The following TMEM67 variants were observed in gnomAD, a reference collection of about 807,000 sequenced individuals.
TMEM67 encodes meckelin.
Under a neutral mutation model 136.6 loss-of-function variants are expected in TMEM67, and 124 were observed. The observed-to-expected ratio is 0.91, with a 90% CI of 0.78 to 1.05. The LOEUF is 1.05. TMEM67 is among the 50% of genes least tolerant of loss of function. TMEM67 has a pLI of 0.00. For synonymous variants in TMEM67, 364 were observed against 390.5 expected (o/e 0.93, Z 0.80); for missense variants, 1,107 against 1,178.4 (o/e 0.94, Z 0.89).
At chr8:93,780,448 C>T (rs1471679668) in intron 7 of TMEM67, 145 bp from the exon 8 acceptor site, 10 of 830,014 alleles carry the variant, frequency 1.2e-5, no homozygotes, top group African/African-American at 3.3e-5. Flanking sequence ...CTGCCTTCTG[C>T]GTTGATTATG....
chr8:93,787,426 T>A (rs988773194), intron 13 of TMEM67, among the ~76,000 whole-genome samples: 2 of 152,200 alleles, frequency 1.3e-5, no homozygotes, highest in Admixed American at 6.5e-5. Context: ...ATTATTTTGT[T>A]AAGAATTCAT....
intron 2 of TMEM67, chr8:93,756,601 T>G (rs1055744156): frequency 6.6e-5 from 10 of 152,190 alleles, no homozygotes; most frequent in Non-Finnish European, 2.9e-5. Flanking sequence ...TGATTACCAC[T>G]TTTTATATTA....
intron 7 of TMEM67, among the ~76,000 whole-genome samples, chr8:93,776,017 C>T (rs1191527648): frequency 6.6e-6 from 1 of 152,152 alleles, no homozygotes; most frequent in Non-Finnish European, 1.5e-5. Context: ...TTTGTGTCCT[C>T]CTTTATTTCA....
At chr8:93,797,556 C>G in intron 20 of TMEM67, 86 bp downstream of exon 20, 1 of 1,300,472 alleles carries the variant, frequency 7.7e-7, no homozygotes, top group Middle Eastern at 2.6e-4. Context: ...GTTTTCATGA[C>G]AGTGGAAGAT....
chr8:93,808,871 C>G lies in TMEM67; in HGVS notation c.2471C>G (p.Pro824Arg). The G allele has an allele frequency of 6.2e-7, 1 of 1,611,970 alleles. No homozygotes were observed. The highest frequency in any genetic ancestry group is 1.7e-4 in the Middle Eastern group (1 of 6,054). ...ENLCSQRGLVPNTDGQTFEIA... is the reference protein window; with the variant it reads ...ENLCSQRGLVRNTDGQTFEIA... Reference sequence around the variant, plus strand: ...TTGTGTAGCCAGAGAGGTTTGGTACCCAACACAGATGGTCAGACTTTTGAG... The same window carrying G: ...TTGTGTAGCCAGAGAGGTTTGGTACGCAACACAGATGGTCAGACTTTTGAG... Residue 824 changes from proline to arginine, a missense_variant, in exon 24 of 28, where the codon CCC (proline) becomes CGC (arginine). Coordinates refer to ENST00000453321, the MANE Select transcript of TMEM67 (RefSeq NM_153704.6).
chr8:93,778,849 A>G (rs893507070), intron 7 of TMEM67, among the ~76,000 whole-genome samples: 2 of 152,014 alleles, frequency 1.3e-5, no homozygotes, highest in Non-Finnish European at 2.9e-5. Flanking sequence ...TCCTCTTCTC[A>G]AGGAGTATCT....
chr8:93,760,331 A>G (rs1812772674), intron 3 of TMEM67, among the ~76,000 whole-genome samples: 1 of 152,236 alleles, frequency 6.6e-6, no homozygotes, highest in Non-Finnish European at 1.5e-5. Flanking sequence ...AACTTAAAAC[A>G]GGCAATCAGA....
downstream of TMEM67, among the ~76,000 whole-genome samples, chr8:93,820,610 A>C (rs1246089287): frequency 6.6e-6 from 1 of 152,176 alleles, no homozygotes; most frequent in Non-Finnish European, 1.5e-5. Flanking sequence ...GTCATGATTA[A>C]ATTGTCTCAT....
At chr8:93,828,555 C>T in the TMEM67 span, among the ~76,000 whole-genome samples, 2 of 152,108 alleles carry the variant, frequency 1.3e-5, no homozygotes, top group Non-Finnish European at 2.9e-5. Flanking sequence ...GGCTGACCAA[C>T]ATGGCAAAAC....
downstream of TMEM67, among the ~76,000 whole-genome samples, chr8:93,823,857 A>G (rs1479099154): frequency 6.8e-6 from 1 of 148,002 alleles, no homozygotes. Flanking sequence ...TTTTTTAGCT[A>G]GCTGAATGTC....
intron 16 of TMEM67, 101 bp downstream of exon 16, chr8:93,793,397 A>G: frequency 3.0e-6 from 3 of 994,318 alleles, no homozygotes; most frequent in Non-Finnish European, 4.7e-6. Context: ...GTTGCATTGA[A>G]TTTTTCTGGG....
rs1234740376 is a variant in TMEM67 at position 93,787,871 on chromosome 8, T to A, written c.1440T>A (p.Asn480Lys). 6.2e-7 allele frequency: 1 copy of A among 1,613,968 alleles called. No homozygotes were observed. Among genetic ancestry groups the A allele is most frequent in the East Asian group, 2.2e-5 (1 of 44,846 alleles). ...TCCACCTTGTACCCAACACAATAAA[T>A]GGAAACATCTACCCTCCCTTAATCA... is the stretch of plus-strand genomic sequence containing the variant. ...LSVHLVPNTI[N>K]GNIYPPLITI... Residue 480 changes from asparagine (N) to lysine (K), a missense_variant, in exon 14 of 28, where the codon AAT becomes AAA. Around this residue, in one of 3 missense-constraint regions of TMEM67, gnomAD observed 925 missense variants for 1,002.4 expected, o/e 0.92. Transcript: ENST00000453321.
intron 23 of TMEM67, among the ~76,000 whole-genome samples, chr8:93,807,130 A>G (rs1244374580): frequency 6.6e-6 from 1 of 152,134 alleles, no homozygotes; most frequent in Non-Finnish European, 1.5e-5. Flanking sequence ...AAAAGCTAAT[A>G]CTTAATAGCA....
At chr8:93,811,776 CT>C (rs1808710027) in intron 26 of TMEM67, among the ~76,000 whole-genome samples, 1 of 152,006 alleles carries the variant, frequency 6.6e-6, no homozygotes, top group Non-Finnish European at 1.5e-5. Flanking sequence ...GAAACCACTG[CT>C]AGTGAGCGCC....
chr8:93,787,748 G>A, intron 13 of TMEM67, 96 bp from the exon 14 acceptor site: 1 of 981,780 alleles, frequency 1.0e-6, no homozygotes, highest in Non-Finnish European at 1.6e-6. Flanking sequence ...GAGATCATCA[G>A]ACAATTCATA....
chr8:93,832,058 C>T, the TMEM67 span, among the ~76,000 whole-genome samples: 16 of 152,178 alleles, frequency 1.1e-4, no homozygotes, highest in African/African-American at 3.6e-4. Context: ...CTTTTAGGCC[C>T]TGGCCTGCTG....
intron 14 of TMEM67, 101 bp from the exon 15 acceptor site, chr8:93,791,162 G>T (rs775980654): frequency 1.3e-6 from 1 of 751,294 alleles, no homozygotes; most frequent in Non-Finnish European, 2.3e-6. Context: ...AAAAACTATA[G>T]TGTTTATGGT....
At chr8:93,791,569 T>A (rs1814376532) in intron 15 of TMEM67, among the ~76,000 whole-genome samples, 1 of 152,080 alleles carries the variant, frequency 6.6e-6, no homozygotes, top group Non-Finnish European at 1.5e-5. Flanking sequence ...CAATCTAGGG[T>A]CACATATTGC....
chr8:93,791,033 C>T (rs1034196332), intron 14 of TMEM67, among the ~76,000 whole-genome samples: 1 of 152,198 alleles, frequency 6.6e-6, no homozygotes, highest in Non-Finnish European at 1.5e-5. Flanking sequence ...TTTAACTTAT[C>T]TCCTAATGAG....
Sources: gnomAD v4.1 joint callset for allele counts (sites outside exome capture counted in the v4.1 genomes callset) on GRCh38, gnomAD v4.1.1 for gene constraint, gnomAD v4.1.1 regional missense constraint, MANE v1.5 for transcripts, NCBI Gene and HGNC (gene_info 2026-07-23, HGNC 2026-07-21) for gene names.